PCDHA10: variants seen among roughly 807,000 people sequenced by gnomAD.
The protein encoded by PCDHA10 is protocadherin alpha-10.
Under a neutral mutation model 61.2 loss-of-function variants are expected in PCDHA10, and 45 were observed. The observed-to-expected ratio is 0.74, with a 90% CI of 0.58 to 0.94. The LOEUF is 0.94. Among genes scored for constraint, PCDHA10 ranks in the 40% least tolerant of loss-of-function variants. PCDHA10 has a pLI of 0.00. For synonymous variants in PCDHA10, 602 were observed against 548.8 expected, an observed-to-expected ratio of 1.10 and a Z score of -1.35; for missense variants, 1,278 against 1,236.2, an observed-to-expected ratio of 1.03 and a Z score of -0.51.
chr5:140,883,534 A>G, intron 1 of PCDHA10: 1 of 1,614,196 alleles, frequency 6.2e-7, no homozygotes, highest in Non-Finnish European at 8.5e-7. Context: ...CAGCCTATGA[A>G]CTGGTGGTGA....
At chr5:140,983,457 G>A (rs1354592991) in intron 3 of PCDHA10, among the ~76,000 whole-genome samples, 4 of 152,182 alleles carry the variant, frequency 2.6e-5, no homozygotes, top group Non-Finnish European at 4.4e-5. Flanking sequence ...TCTATTAATA[G>A]AACATCATGA....
intron 1 of PCDHA10, among the ~76,000 whole-genome samples, chr5:140,913,895 C>A (rs2076500910): frequency 6.6e-6 from 1 of 152,066 alleles, no homozygotes; most frequent in South Asian, 2.1e-4. Flanking sequence ...TTCCAAAATT[C>A]CCCTTTTTTA....
chr5:140,903,587 G>A (rs62384486), intron 1 of PCDHA10, among the ~76,000 whole-genome samples: 1 of 152,156 alleles, frequency 6.6e-6, no homozygotes, highest in African/African-American at 2.4e-5. Context: ...GCTGGTGTTG[G>A]CCTGATAAAT....
chr5:140,882,170 C>G, intron 1 of PCDHA10: 1 of 1,513,564 alleles, frequency 6.6e-7, no homozygotes, highest in Non-Finnish European at 8.8e-7. Flanking sequence ...CTTGCGAATC[C>G]TTCCGCACTA....
At chr5:140,960,112 T>C (rs145534809) in intron 1 of PCDHA10, among the ~76,000 whole-genome samples, 45 of 152,352 alleles carry the variant, frequency 3.0e-4, no homozygotes, top group Non-Finnish European at 4.3e-4. Flanking sequence ...GTGGGAACAA[T>C]AGTATTCCTT....
intron 3 of PCDHA10, among the ~76,000 whole-genome samples, chr5:140,990,262 C>T (rs2097383201): frequency 6.6e-6 from 1 of 152,152 alleles, no homozygotes; most frequent in South Asian, 2.1e-4. Context: ...GGATACCAAA[C>T]AATGTACCCC....
At chr5:140,876,164 C>G in intron 1 of PCDHA10, 5 of 1,613,950 alleles carry the variant, frequency 3.1e-6, no homozygotes, top group Non-Finnish European at 4.2e-6. Context: ...ATTCAAATAA[C>G]CGTCCTGGAT....
intron 1 of PCDHA10, chr5:140,966,700 G>T: frequency 7.3e-7 from 1 of 1,365,440 alleles, no homozygotes; most frequent in Non-Finnish European, 9.4e-7. Context: ...GGGCCCGGGC[G>T]TGGGGCACGG....
intron 1 of PCDHA10, among the ~76,000 whole-genome samples, chr5:140,902,686 A>G (rs1038713623): frequency 2.0e-5 from 3 of 152,090 alleles, no homozygotes; most frequent in Non-Finnish European, 4.4e-5. Context: ...CGTACCTAAT[A>G]TGTGTAGTCT....
intron 1 of PCDHA10, among the ~76,000 whole-genome samples, chr5:140,934,476 AATTAT>A (rs2089852464): frequency 6.6e-6 from 1 of 152,124 alleles, no homozygotes. Flanking sequence ...TTATTTTGAA[AATTAT>A]ATTCACCTCA....
intron 3 of PCDHA10, among the ~76,000 whole-genome samples, chr5:140,989,765 C>G (rs2097359812): frequency 6.6e-6 from 1 of 152,286 alleles, no homozygotes. Context: ...ATATTCAGTT[C>G]AAGCACTGGC....
rs576414745 is a variant in PCDHA10, at chr5:140,895,584, G to T, written c.2388+37148G>T. Among the ~76,000 whole-genome samples the T allele has an allele frequency of 9.2e-5, 14 of 152,210 alleles. No individual in the cohort carries two copies. In the South Asian group the frequency reaches 2.7e-3, roughly 29 times the overall value. The stretch of plus-strand genomic sequence containing the variant: ...TATTCTAGATGCAATTACTTTATTA[G>T]ATATATAATTTGCAAAGATTTTCTC... On this transcript the variant is annotated intron_variant, in intron 1 of 3. Coordinates refer to ENST00000307360, the MANE Select transcript of PCDHA10 (RefSeq NM_018901.4).
At chr5:140,896,148 G>A (rs1185038418) in intron 1 of PCDHA10, among the ~76,000 whole-genome samples, 1 of 152,162 alleles carries the variant, frequency 6.6e-6, no homozygotes, top group Non-Finnish European at 1.5e-5. Flanking sequence ...CACCATTGAT[G>A]GGCATTTAGG....
At position 140,856,935 on chromosome 5, in the gene PCDHA10, A is replaced by T; in HGVS notation, c.887A>T (p.Glu296Val). ...ATAAGAAGGAAATTTTGGATAAACG[A>T]AAGGACGGGAGAAATAAAAGTAAAT... The part of the protein sequence containing the change: ...PTIRRKFWIN[E>V]RTGEIKVNDA... Residue 296 changes from glutamate (E) to valine (V), a missense_variant, in exon 1 of 4, where the codon GAA becomes GTA. Coordinates refer to ENST00000307360, the MANE Select transcript of PCDHA10 (RefSeq NM_018901.4). 6.3e-7 allele frequency: 1 copy of T among 1,594,236 alleles called. No homozygotes were observed. Among genetic ancestry groups the T allele is most frequent in the Non-Finnish European group, 8.6e-7 (1 of 1,164,134 alleles).
intron 1 of PCDHA10, among the ~76,000 whole-genome samples, chr5:140,971,478 A>C (rs111781444): frequency 3.5e-4 from 53 of 152,260 alleles, no homozygotes; most frequent in African/African-American, 1.3e-3. Flanking sequence ...AGAGAGTGTC[A>C]CATTGTTACA....
At chr5:141,004,497 T>C (rs2098168493) in intron 3 of PCDHA10, among the ~76,000 whole-genome samples, 1 of 152,218 alleles carries the variant, frequency 6.6e-6, no homozygotes, top group South Asian at 2.1e-4. Context: ...TTGGCAGTCC[T>C]GCTGTGAGGG....
At position 140,856,001 on chromosome 5, in the gene PCDHA10, C is replaced by T. The variant is rs782376274; in HGVS notation, c.-48C>T. 7 of 1,515,190 alleles carry T rather than the reference C, an allele frequency of 4.6e-6. No homozygotes were observed. The highest frequency in any genetic ancestry group is 1.4e-5 in the African/African-American group (1 of 71,800). The allele number at this position is 1,515,190 out of a possible 1,614,324, so 93.9% of individuals were successfully genotyped here. On this transcript the variant is annotated 5_prime_UTR_variant, in exon 1 of 4. Coordinates refer to ENST00000307360, the MANE Select transcript of PCDHA10 (RefSeq NM_018901.4). ...GACAGAAAATGTCAGATCGTATGTG[C>T]GTTCTAGACCGCTGATTCGTCGATT...
At chr5:140,893,655 T>G (rs894439477) in intron 1 of PCDHA10, among the ~76,000 whole-genome samples, 1 of 152,200 alleles carries the variant, frequency 6.6e-6, no homozygotes, top group Non-Finnish European at 1.5e-5. Flanking sequence ...GCTGATAGTT[T>G]TAAAAAATTT....
chr5:140,884,688 CTTA>C (rs782481361), intron 1 of PCDHA10: 8 of 1,535,868 alleles, frequency 5.2e-6, no homozygotes, highest in Non-Finnish European at 8.8e-7. Flanking sequence ...AAAAAATTGT[CTTA>C]GTAAACACTT....
Sources: gnomAD v4.1 joint callset for allele counts (sites outside exome capture counted in the v4.1 genomes callset) on GRCh38, gnomAD v4.1.1 for gene constraint, MANE v1.5 for transcripts, NCBI Gene and HGNC (gene_info 2026-07-23, HGNC 2026-07-21) for gene names.